The following ZNF721 variants were observed in gnomAD, a reference collection of about 807,000 sequenced individuals.
ZNF721 encodes the protein zinc finger protein 721.
ZNF721 carries 2 observed loss-of-function variants against 2.4 expected under a neutral mutation model. The observed-to-expected ratio is 0.82, with a 90% CI of 0.34 to 2.58. The LOEUF (loss-of-function observed/expected upper bound fraction) is 2.58, where lower values mean the gene tolerates loss of function less well. ZNF721 is among the 30% of genes most tolerant of loss of function. The pLI is 0.11. For synonymous variants in ZNF721, 398 were observed against 381.8 expected, an observed-to-expected ratio of 1.04 and a Z score of -0.50; for missense variants, 1,187 against 1,085.5, an observed-to-expected ratio of 1.09 and a Z score of -1.31.
intron 2 of ZNF721, among the ~76,000 whole-genome samples, chr4:444,908 C>CA (rs1222426320): frequency 6.8e-6 from 1 of 147,286 alleles, no homozygotes; most frequent in Non-Finnish European, 1.5e-5. Flanking sequence ...TATTCGAAGA[C>CA]AAAATATAAA....
chr4:492,690 C>T (rs1716053153), intron 1 of ZNF721, among the ~76,000 whole-genome samples: 1 of 147,084 alleles, frequency 6.8e-6, no homozygotes, highest in African/African-American at 2.5e-5. Context: ...CTGGTTTGTC[C>T]TGAACATCCC....
chr4:468,639 A>G (rs907924951), intron 2 of ZNF721, among the ~76,000 whole-genome samples: 1 of 152,144 alleles, frequency 6.6e-6, no homozygotes, highest in Non-Finnish European at 1.5e-5. Context: ...CAACCCTCAA[A>G]GGCAGGCCAC....
intron 2 of ZNF721, among the ~76,000 whole-genome samples, chr4:465,375 A>G (rs1553866613): frequency 6.6e-6 from 1 of 152,166 alleles, no homozygotes. Context: ...AAACAAAGCA[A>G]GACCCTATGT....
intron 1 of ZNF721, among the ~76,000 whole-genome samples, chr4:497,105 A>G (rs1255803161): frequency 6.6e-6 from 1 of 151,856 alleles, no homozygotes; most frequent in Non-Finnish European, 1.5e-5. Context: ...TGCAAGACAA[A>G]ATTCCAAATC....
At chr4:491,565 C>T (rs559368606) in intron 1 of ZNF721, among the ~76,000 whole-genome samples, 1 of 152,206 alleles carries the variant, frequency 6.6e-6, no homozygotes, top group African/African-American at 2.4e-5. Flanking sequence ...ATACAGGCAA[C>T]AGGTAGAGCA....
intron 2 of ZNF721, among the ~76,000 whole-genome samples, chr4:466,839 A>G (rs1187632018): frequency 6.6e-6 from 1 of 152,214 alleles, no homozygotes; most frequent in Non-Finnish European, 1.5e-5. Flanking sequence ...TGAGATTTGA[A>G]TGGCGCCACA....
chr4:493,199 A>C (rs1716069224), intron 1 of ZNF721, among the ~76,000 whole-genome samples: 1 of 151,628 alleles, frequency 6.6e-6, no homozygotes, highest in Non-Finnish European at 1.5e-5. Context: ...AATATGGCCT[A>C]ACAGATTCCA....
intron 2 of ZNF721, among the ~76,000 whole-genome samples, chr4:456,945 T>C (rs957397895): frequency 6.6e-6 from 1 of 152,090 alleles, no homozygotes; most frequent in East Asian, 1.9e-4. Flanking sequence ...CCCAGTAAAA[T>C]AGAGTTGAAA....
At chr4:456,463 T>G (rs563838469) in intron 2 of ZNF721, among the ~76,000 whole-genome samples, 1 of 152,344 alleles carries the variant, frequency 6.6e-6, no homozygotes, top group South Asian at 2.1e-4. Flanking sequence ...AATCTCTGAA[T>G]TATACATATA....
At chr4:454,738 C>T (rs150600961) in intron 2 of ZNF721, among the ~76,000 whole-genome samples, 2 of 152,306 alleles carry the variant, frequency 1.3e-5, no homozygotes, top group African/African-American at 4.8e-5. Context: ...CTCAATTGAA[C>T]ATGGACACAA....
chr4:478,281 T>C (rs2108716657), intron 1 of ZNF721, among the ~76,000 whole-genome samples: 1 of 152,290 alleles, frequency 6.6e-6, no homozygotes, highest in African/African-American at 2.4e-5. Context: ...CTACTTTCTG[T>C]TTTTATGAGT....
intron 2 of ZNF721, among the ~76,000 whole-genome samples, chr4:461,091 C>T (rs1715054991): frequency 1.3e-5 from 2 of 152,200 alleles, no homozygotes; most frequent in African/African-American, 4.8e-5. Context: ...TCCTCCCTAA[C>T]TCATTTTATG....
chr4:478,003 C>T (rs1715677433), intron 1 of ZNF721, among the ~76,000 whole-genome samples: 1 of 152,148 alleles, frequency 6.6e-6, no homozygotes. Context: ...GGAACCTAGA[C>T]AAAGACAAAG....
chr4:443,202 C>T lies in ZNF721; in HGVS notation c.1265G>A (p.Arg422His), dbSNP rs376220761. 8.3e-5 allele frequency: 134 copies of T among 1,613,712 alleles called. No homozygotes were observed. Among genetic ancestry groups the T allele is most frequent in the Admixed American group, 4.2e-4 (25 of 59,984 alleles). Reference protein sequence around the residue: ...TREKPYTCEDRGRAFGLSTNL... With the variant: ...TREKPYTCEDHGRAFGLSTNL... The stretch of plus-strand genomic sequence containing the variant: ...TGTGGACAATCCAAAGGCTCTGCCA[C>T]GATCTTCACATGTGTAGGGTTTCTC... Residue 422 changes from arginine to histidine, a missense_variant, in exon 3 of 3, where the codon CGT (arginine) becomes CAT (histidine). Coordinates refer to ENST00000511833, the MANE Select transcript of ZNF721 (RefSeq NM_133474.4).
intron 1 of ZNF721, chr4:473,947 C>A: frequency 6.6e-7 from 1 of 1,504,596 alleles, no homozygotes. Flanking sequence ...ATGAGGCCTC[C>A]CCAGCCTTGG....
chr4:492,855 T>C (rs1356609797), intron 1 of ZNF721, among the ~76,000 whole-genome samples: 2 of 151,526 alleles, frequency 1.3e-5, no homozygotes, highest in Non-Finnish European at 2.9e-5. Flanking sequence ...TCTTATTTCA[T>C]GGTTCTTTTA....
intron 2 of ZNF721, among the ~76,000 whole-genome samples, chr4:465,086 A>G (rs572067547): frequency 1.7e-3 from 258 of 151,772 alleles, no homozygotes; most frequent in Non-Finnish European, 3.3e-3. Flanking sequence ...TTCCATTAAA[A>G]AAAAAAAAAA....
chr4:461,766 G>A (rs1271142115), intron 2 of ZNF721, among the ~76,000 whole-genome samples: 3 of 152,130 alleles, frequency 2.0e-5, no homozygotes, highest in South Asian at 2.1e-4. Flanking sequence ...CCAGCTACTC[G>A]GGAGGCTGAG....
At chr4:482,327 C>T (rs1553869664) in intron 1 of ZNF721, among the ~76,000 whole-genome samples, 1 of 152,082 alleles carries the variant, frequency 6.6e-6, no homozygotes, top group Non-Finnish European at 1.5e-5. Flanking sequence ...CCACACCTGG[C>T]TAATTTTTTG....
Sources: allele counts gnomAD v4.1 joint callset (sites outside exome capture counted in the v4.1 genomes callset), GRCh38; gene constraint gnomAD v4.1.1; transcripts MANE v1.5; gene names NCBI Gene and HGNC (gene_info 2026-07-23, HGNC 2026-07-21).